ZBBX: variants seen among roughly 807,000 people sequenced by gnomAD.
ZBBX encodes zinc finger B-box domain-containing protein 1.
Under a neutral mutation model 108.5 loss-of-function variants are expected in ZBBX, and 101 were observed. The ratio of observed to expected loss-of-function variants is 0.93; its 90% CI spans 0.79 to 1.10. The LOEUF (loss-of-function observed/expected upper bound fraction) is 1.10. ZBBX is among the 50% of genes least tolerant of loss of function. The probability of loss-of-function intolerance (pLI) is 0.00; values close to 1 mark genes in which losing one functional copy is unlikely to be tolerated. For synonymous variants in ZBBX, 356 were observed against 323.4 expected (o/e 1.10, Z -1.08); for missense variants, 1,009 against 941.4 (o/e 1.07, Z -0.94).
intron 10 of ZBBX, among the ~76,000 whole-genome samples, chr3:167,330,840 G>C (rs13066067): frequency 2.5e-5 from 3 of 117,656 alleles, no homozygotes; most frequent in Non-Finnish European, 5.1e-5. Context: ...AAGTAGAAGA[G>C]GAAGAGGAGG....
upstream of ZBBX, among the ~76,000 whole-genome samples, chr3:167,385,162 A>G (rs910605146): frequency 6.6e-6 from 1 of 152,078 alleles, no homozygotes; most frequent in African/African-American, 2.4e-5. Context: ...CAAACATCAA[A>G]GAGTGAACTG....
At chr3:167,186,179 G>A in the ZBBX span, among the ~76,000 whole-genome samples, 1 of 151,778 alleles carries the variant, frequency 6.6e-6, no homozygotes, top group African/African-American at 2.4e-5. Context: ...ATGAGTAATA[G>A]AGTATTTTGT....
chr3:167,220,967 T>C, the ZBBX span, among the ~76,000 whole-genome samples: 1 of 151,814 alleles, frequency 6.6e-6, no homozygotes, highest in Admixed American at 6.6e-5. Context: ...CTATTTACAA[T>C]AGCTATGAAT....
intron 18 of ZBBX, among the ~76,000 whole-genome samples, chr3:167,289,938 T>A (rs1159446088): frequency 6.6e-6 from 1 of 151,692 alleles, no homozygotes; most frequent in Non-Finnish European, 1.5e-5. Flanking sequence ...GAGAGGGTGG[T>A]TTTATCCTCA....
chr3:167,247,643 A>T (rs1041180513), intron 20 of ZBBX, among the ~76,000 whole-genome samples: 1 of 152,116 alleles, frequency 6.6e-6, no homozygotes, highest in Non-Finnish European at 1.5e-5. Flanking sequence ...AGCTGTAAAC[A>T]TTCACCCCTA....
At chr3:167,403,114 A>G (rs1267483096) in intron 1 of ZBBX, among the ~76,000 whole-genome samples, 4 of 152,158 alleles carry the variant, frequency 2.6e-5, no homozygotes, top group African/African-American at 9.6e-5. Flanking sequence ...TCTCCAATGG[A>G]GTAAATTTAT....
Position 167,314,138 on chromosome 3 carries a change from A to G in ZBBX, c.1275-22T>C, listed in dbSNP as rs1415031572. ...ACAACTTTCACATGTAGGAACAAAC[A>G]AAATAATAGAGTTGAAAAAATGATT... On this transcript the variant is annotated intron_variant, in intron 15 of 21. Coordinates refer to ENST00000675490, the MANE Select transcript of ZBBX (RefSeq NM_001199201.2). 2.6e-6 allele frequency: 4 copies of G among 1,541,688 alleles called. No homozygotes were observed. In the South Asian group the frequency reaches 5.1e-5, roughly 20 times the overall value.
the ZBBX span, among the ~76,000 whole-genome samples, chr3:167,191,515 T>C: frequency 6.6e-6 from 1 of 152,258 alleles, no homozygotes; most frequent in Non-Finnish European, 1.5e-5. Flanking sequence ...CCTGTTCTCC[T>C]GAGAGTGAAT....
At chr3:167,235,501 A>G (rs1411665645), downstream of ZBBX, among the ~76,000 whole-genome samples, 1 of 151,352 alleles carries the variant, frequency 6.6e-6, no homozygotes, top group Non-Finnish European at 1.5e-5. Flanking sequence ...GTGTAGATAT[A>G]TATAATTTCT....
At chr3:167,395,952 T>G (rs897915780) in intron 1 of ZBBX, among the ~76,000 whole-genome samples, 1 of 152,000 alleles carries the variant, frequency 6.6e-6, no homozygotes, top group Non-Finnish European at 1.5e-5. Context: ...AAGGCTTGGG[T>G]ACAAACCTCA....
the ZBBX span, among the ~76,000 whole-genome samples, chr3:167,231,171 G>A: frequency 4.6e-5 from 7 of 151,790 alleles, no homozygotes; most frequent in Admixed American, 1.3e-4. Context: ...GGAGCTAAGC[G>A]TTAAGTGGTG....
At chr3:167,230,229 TACTATAGAAA>T in the ZBBX span, among the ~76,000 whole-genome samples, 1 of 151,830 alleles carries the variant, frequency 6.6e-6, no homozygotes, top group Non-Finnish European at 1.5e-5. Context: ...ATATGGAAGT[TACTATAGAAA>T]ACCTTGTCTA....
intron 20 of ZBBX, chr3:167,252,076 G>A: frequency 8.7e-7 from 1 of 1,152,384 alleles, no homozygotes; most frequent in Non-Finnish European, 1.1e-6. Context: ...TTCTAGAATG[G>A]CAGTCTGATA....
At position 167,240,674 on chromosome 3, in the gene ZBBX, C is replaced by T. The variant is rs1036147339; in HGVS notation, c.*119G>A. On this transcript the variant is annotated 3_prime_UTR_variant, in exon 22 of 22. Coordinates refer to ENST00000675490, the MANE Select transcript of ZBBX (RefSeq NM_001199201.2). ...CTTTTATTAGTTTGTAGCCTTGAAA[C>T]ATCAAAGACATTAGTAATCAAAATC... The T allele has an allele frequency of 1.7e-5, 21 of 1,219,462 alleles. No homozygotes were observed. The highest frequency in any genetic ancestry group is 2.4e-5 in the Non-Finnish European group (21 of 881,118). 75.5% of individuals were successfully genotyped at this position (1,219,462 alleles called of 1,614,324 possible).
chr3:167,297,223 A>G (rs1731836651), intron 18 of ZBBX, among the ~76,000 whole-genome samples: 1 of 151,970 alleles, frequency 6.6e-6, no homozygotes. Context: ...GTGTGTGGTG[A>G]GAACACTTAA....
intron 1 of ZBBX, among the ~76,000 whole-genome samples, chr3:167,386,883 T>C (rs184726624): frequency 5.6e-4 from 85 of 152,218 alleles, no homozygotes; most frequent in Non-Finnish European, 1.1e-3. Context: ...ACAAGGTTTG[T>C]TTGACATGAG....
intron 20 of ZBBX, among the ~76,000 whole-genome samples, chr3:167,270,248 G>C (rs375673612): frequency 6.6e-6 from 1 of 152,120 alleles, no homozygotes; most frequent in East Asian, 1.9e-4. Context: ...GAATAGTGCC[G>C]GAGCAAGTTG....
intron 1 of ZBBX, among the ~76,000 whole-genome samples, chr3:167,401,653 A>C (rs1560217675): frequency 1.3e-5 from 2 of 152,100 alleles, no homozygotes; most frequent in African/African-American, 4.8e-5. Flanking sequence ...GGACAACCAG[A>C]GGTCACTCAT....
intron 18 of ZBBX, among the ~76,000 whole-genome samples, chr3:167,297,217 G>A (rs1350584097): frequency 6.6e-6 from 1 of 151,852 alleles, no homozygotes; most frequent in Non-Finnish European, 1.5e-5. Flanking sequence ...TTTTGTGTGT[G>A]TGGTGAGAAC....
Sources: allele counts gnomAD v4.1 joint callset (sites outside exome capture counted in the v4.1 genomes callset), GRCh38; gene constraint gnomAD v4.1.1; transcripts MANE v1.5; gene names NCBI Gene and HGNC (gene_info 2026-07-23, HGNC 2026-07-21).